ZNF329: variants seen among roughly 807,000 people sequenced by gnomAD.
The protein encoded by ZNF329 is zinc finger protein 329.
A neutral mutation model predicts 26.6 loss-of-function variants in ZNF329; 15 were observed. The observed-to-expected ratio is 0.56, with a 90% confidence interval of 0.38 to 0.87. The LOEUF (loss-of-function observed/expected upper bound fraction) is 0.87. Among genes scored for constraint, ZNF329 ranks in the 40% least tolerant of loss-of-function variants. The pLI is 0.00. For missense variants in ZNF329, 651 were observed against 651.9 expected (o/e 1.00, Z 0.02); for synonymous variants, 239 against 233.5 (o/e 1.02, Z -0.21).
In ZNF329 at chr19:58,127,638, T is replaced by C. The variant is rs1054808797; in HGVS notation, c.*240A>G. The C allele has an allele frequency of 2.4e-6, 1 of 422,254 alleles. No homozygotes were observed. Among genetic ancestry groups the C allele is most frequent in the Non-Finnish European group, 4.2e-6 (1 of 236,988 alleles). 26.2% of individuals were successfully genotyped at this position (422,254 alleles called of 1,614,324 possible). The stretch of plus-strand genomic sequence containing the variant: ...TGCACATTTCATTCCAGTGTGTGTG[T>C]TGTCATGTCTGGTACAGACTGAATC... On this transcript the variant is annotated 3_prime_UTR_variant, in exon 4 of 4. Transcript: ENST00000598312.
intron 1 of ZNF329, among the ~76,000 whole-genome samples, chr19:58,146,744 G>C (rs1445939761): frequency 3.3e-5 from 5 of 152,052 alleles, no homozygotes; most frequent in African/African-American, 1.2e-4. Flanking sequence ...GTGGAGACGG[G>C]GTTTCGCTGT....
rs1326667647 is a variant in ZNF329, at chr19:58,128,890, C to T, written c.614G>A (p.Cys205Tyr). The change falls in exon 4 of 4, where the codon TGT (cysteine) becomes TAT (tyrosine). Residue 205 changes from cysteine to tyrosine, a missense_variant. Coordinates refer to ENST00000598312, the MANE Select transcript of ZNF329 (RefSeq NM_024620.4). ...RNLPGEKQYR[C>Y]TECGKCFKRN... ...TTTGAAGCATTTGCCACATTCAGTA[C>T]ATCTATATTGTTTCTCTCCAGGGAG... 3 of 1,614,076 alleles carry T rather than the reference C, an allele frequency of 1.9e-6. No individual in the cohort carries two copies. Among genetic ancestry groups the T allele is most frequent in the South Asian group, 2.2e-5 (2 of 91,078 alleles).
At chr19:58,146,873 A>G (rs2146126271) in intron 1 of ZNF329, among the ~76,000 whole-genome samples, 1 of 151,828 alleles carries the variant, frequency 6.6e-6, no homozygotes, top group African/African-American at 2.4e-5. Flanking sequence ...CCCAGGCTGG[A>G]GTGCAGTGGC....
chr19:58,136,146 G>A (rs1334301242), intron 3 of ZNF329, among the ~76,000 whole-genome samples: 3 of 150,444 alleles, frequency 2.0e-5, no homozygotes, highest in African/African-American at 4.9e-5. Flanking sequence ...CAGGAGAATC[G>A]CTTGAACCTG....
chr19:58,138,332 A>G, intron 3 of ZNF329, among the ~76,000 whole-genome samples: 1 of 152,252 alleles, frequency 6.6e-6, no homozygotes, highest in African/African-American at 2.4e-5. Context: ...AAAATTCTTA[A>G]TAATTAGGGT....
rs2074872610 is a variant in ZNF329, at chr19:58,129,023, A to C, written c.481T>G (p.Ser161Ala). ...ESVKSFNHFT[S>A]LGHQKIMKRG... ...TTCATTATTTTCTGATGACCAAGAG[A>C]GGTAAAATGATTAAAAGACTTAACA... The change falls in exon 4 of 4, where the codon TCT (serine) becomes GCT (alanine). Residue 161 changes from serine (S) to alanine (A), a missense_variant. Coordinates refer to ENST00000598312, the MANE Select transcript of ZNF329 (RefSeq NM_024620.4). 1.2e-6 allele frequency: 2 copies of C among 1,613,736 alleles called. No individual in the cohort carries two copies. Among genetic ancestry groups the C allele is most frequent in the Non-Finnish European group, 1.7e-6 (2 of 1,179,836 alleles).
chr19:58,149,832 AAGTC>A (rs1250415644), intron 1 of ZNF329, among the ~76,000 whole-genome samples: 1 of 152,228 alleles, frequency 6.6e-6, no homozygotes, highest in Non-Finnish European at 1.5e-5. Flanking sequence ...ATTTCACTGA[AAGTC>A]AATTTTGGCT....
Position 58,129,032 on chromosome 19 carries a change from G to C in ZNF329, c.472C>G (p.His158Asp), listed in dbSNP as rs368453501. Residue 158 changes from histidine (H) to aspartate (D), a missense_variant, in exon 4 of 4, where the codon CAT (histidine) becomes GAT (aspartate). By Grantham distance (81) the His-to-Asp change is moderately conservative. Coordinates refer to ENST00000598312, the MANE Select transcript of ZNF329 (RefSeq NM_024620.4). ...TTCTGATGACCAAGAGAGGTAAAAT[G>C]ATTAAAAGACTTAACACTTTCAGGG... ...KYPESVKSFN[H>D]FTSLGHQKIM... 4 of 1,613,764 alleles carry C rather than the reference G, an allele frequency of 2.5e-6. No individual in the cohort carries two copies. The African/African-American group carries it at 4.0e-5, about 16-fold the overall frequency.
At chr19:58,129,632 T>C (rs879184656) in intron 3 of ZNF329, 121 bp from the exon 4 acceptor site, 1 of 915,796 alleles carries the variant, frequency 1.1e-6, no homozygotes, top group Non-Finnish European at 1.6e-6. Flanking sequence ...TCTTTTAAAT[T>C]CAAATTTATA....
chr19:58,154,329 C>T (rs2075507815), upstream of ZNF329, among the ~76,000 whole-genome samples: 1 of 152,124 alleles, frequency 6.6e-6, no homozygotes, highest in East Asian at 1.9e-4. Context: ...GCACTCAAGG[C>T]CTTTTGCTGC....
chr19:58,152,825 C>A (rs1377049907), upstream of ZNF329, among the ~76,000 whole-genome samples: 1 of 151,974 alleles, frequency 6.6e-6, no homozygotes, highest in Non-Finnish European at 1.5e-5. Flanking sequence ...CCACTGCACT[C>A]CAGCCTGGGT....
chr19:58,132,579 C>G (rs538265999), intron 3 of ZNF329: 3 of 149,740 alleles, frequency 2.0e-5, no homozygotes, highest in African/African-American at 7.4e-5. Context: ...ACTCGGGAGG[C>G]TGAGGTAGGA....
intron 1 of ZNF329, among the ~76,000 whole-genome samples, chr19:58,148,942 G>A (rs1459999240): frequency 1.3e-5 from 2 of 152,214 alleles, no homozygotes; most frequent in Non-Finnish European, 2.9e-5. Flanking sequence ...CTTAAATGGG[G>A]ACTGGGTAAA....
chr19:58,151,868 T>A (rs2075461187), upstream of ZNF329, among the ~76,000 whole-genome samples: 1 of 152,190 alleles, frequency 6.6e-6, no homozygotes, highest in South Asian at 2.1e-4. Flanking sequence ...ACACCTGTGA[T>A]GCTTGATAGG....
rs537843766 is a variant in ZNF329, at chr19:58,127,316, C to T, written c.*562G>A. ...AGGAGTTCAAGACCAGCCTGGCCAA[C>T]ACAGTGAAACCCTGTCTCTACTAAA... On this transcript the variant is annotated 3_prime_UTR_variant, in exon 4 of 4. Coordinates refer to ENST00000598312, the MANE Select transcript of ZNF329 (RefSeq NM_024620.4). 1 of 152,294 alleles carries T rather than the reference C, an allele frequency of 6.6e-6. No individual in the cohort carries two copies. The highest frequency in any genetic ancestry group is 2.4e-5 in the African/African-American group (1 of 41,546). 9.4% of individuals were successfully genotyped at this position (152,294 alleles called of 1,614,324 possible).
intron 1 of ZNF329, among the ~76,000 whole-genome samples, chr19:58,145,510 T>C (rs138439046): frequency 0.048 from 7,339 of 151,498 alleles, 610 homozygotes; most frequent in African/African-American, 0.17. Context: ...TTAGTAGAGA[T>C]GGGGTTTCAC....
At chr19:58,131,603 A>G (rs2074945615) in intron 3 of ZNF329, among the ~76,000 whole-genome samples, 1 of 152,176 alleles carries the variant, frequency 6.6e-6, no homozygotes, top group South Asian at 2.1e-4. Context: ...CAGAGAGAAA[A>G]TAAGATTTAA....
intron 3 of ZNF329, 52 bp from the exon 4 acceptor site, chr19:58,129,563 G>C (rs2074891359): frequency 2.1e-6 from 3 of 1,454,994 alleles, no homozygotes; most frequent in Non-Finnish European, 2.8e-6. Context: ...TTATCTGTAA[G>C]AGAAACAGAC....
upstream of ZNF329, among the ~76,000 whole-genome samples, chr19:58,151,434 C>G (rs796750641): frequency 8.6e-5 from 13 of 151,940 alleles, 1 homozygote; most frequent in African/African-American, 3.1e-4. Context: ...AACCCCGTCT[C>G]CACTAAAAAT....
Sources: allele counts gnomAD v4.1 joint callset (sites outside exome capture counted in the v4.1 genomes callset), GRCh38; gene constraint gnomAD v4.1.1; transcripts MANE v1.5; gene names NCBI Gene and HGNC (gene_info 2026-07-23, HGNC 2026-07-21).